The following STOX2 variants were observed in gnomAD, a reference collection of about 807,000 sequenced individuals.
The protein encoded by STOX2 is storkhead-box protein 2.
A neutral mutation model predicts 60.9 loss-of-function variants in STOX2; 28 were observed. That is an observed-to-expected ratio of 0.46 (90% CI 0.34 to 0.63). STOX2 has a LOEUF of 0.63. Ranked by LOEUF, STOX2 falls within the 30% of genes least tolerant of loss-of-function variation. STOX2 has a pLI of 0.01. For synonymous variants in STOX2, 472 were observed against 463.9 expected, an observed-to-expected ratio of 1.02 and a Z score of -0.22; for missense variants, 1,024 against 1,187.7, an observed-to-expected ratio of 0.86 and a Z score of 2.03.
intron 1 of STOX2, among the ~76,000 whole-genome samples, chr4:183,920,063 C>T (rs140471494): frequency 5.3e-5 from 8 of 152,206 alleles, no homozygotes; most frequent in Admixed American, 3.9e-4. Flanking sequence ...ACATACTCAT[C>T]GGTATACTTT....
At chr4:184,013,617 C>T (rs1734246173) in intron 3 of STOX2, among the ~76,000 whole-genome samples, 2 of 152,228 alleles carry the variant, frequency 1.3e-5, no homozygotes, top group Non-Finnish European at 2.9e-5. Context: ...AGGTGACAAA[C>T]TATTTTCTAC....
rs1734173542 is a variant in STOX2, at chr4:184,011,515, C to G, written c.2585+92C>G. On this transcript the variant is annotated intron_variant, in intron 3 of 3. Transcript: ENST00000308497. This position sits in a 1 kb window ranked among gnomAD's most constrained non-coding sequence, Gnocchi z 4.4. ...TGACAAGTTTCTGATTTCGTAGTCT[C>G]AGTTCTATGGATGAGGGTTAAGAGT... is the stretch of plus-strand genomic sequence containing the variant. 2 of 1,577,008 alleles carry G rather than the reference C, an allele frequency of 1.3e-6. No homozygotes were observed. Among genetic ancestry groups the G allele is most frequent in the African/African-American group, 2.7e-5 (2 of 73,732 alleles).
chr4:183,801,894 G>A (rs1321828536), intron 1 of STOX2, among the ~76,000 whole-genome samples: 3 of 152,166 alleles, frequency 2.0e-5, no homozygotes, highest in Admixed American at 6.5e-5. Context: ...GGACTGGGAG[G>A]GGATTAGAAA....
At chr4:183,959,232 G>A (rs1743344027) in intron 1 of STOX2, among the ~76,000 whole-genome samples, 1 of 152,054 alleles carries the variant, frequency 6.6e-6, no homozygotes, top group African/African-American at 2.4e-5. Flanking sequence ...TGTTAAATGT[G>A]TTATGTGGAA....
intron 1 of STOX2, among the ~76,000 whole-genome samples, chr4:183,860,805 A>C (rs909917046): frequency 5.3e-5 from 8 of 152,170 alleles, no homozygotes; most frequent in Non-Finnish European, 8.8e-5. Context: ...TATGAAAAAC[A>C]CTGGGGGAAT....
chr4:183,982,896 C>A (rs1732706885), intron 1 of STOX2, among the ~76,000 whole-genome samples: 3 of 152,164 alleles, frequency 2.0e-5, no homozygotes. Context: ...TTGGATGCAT[C>A]CTATACCCTG....
At position 184,001,185 on chromosome 4, in the gene STOX2, A is replaced by C; in HGVS notation, c.167-140A>C. The stretch of plus-strand genomic sequence containing the variant: ...AATTGGCTGTGGCTTCTGTGTTCAG[A>C]GTGGAATTGGCAAGCAGCTGCTATG... On this transcript the variant is annotated intron_variant, in intron 1 of 3. Coordinates refer to ENST00000308497, the MANE Select transcript of STOX2 (RefSeq NM_020225.3). The surrounding 1 kb of genome is among the most constrained non-coding windows in gnomAD (Gnocchi z 4.2). The C allele has an allele frequency of 1.4e-6, 1 of 720,178 alleles. No homozygotes were observed. The highest frequency in any genetic ancestry group is 2.3e-6 in the Non-Finnish European group (1 of 441,076). The allele number at this position is 720,178 out of a possible 1,614,324, so 44.6% of individuals were successfully genotyped here.
Position 183,905,680 on chromosome 4 carries a change from G to C in STOX2, c.-1111G>C, listed in dbSNP as rs989769510. The C allele has an allele frequency of 6.6e-6, 1 of 152,414 alleles. No homozygotes were observed. The highest frequency in any genetic ancestry group is 2.4e-5 in the African/African-American group (1 of 41,442). 9.4% of individuals were successfully genotyped at this position (152,414 alleles called of 1,614,324 possible). On this transcript the variant is annotated 5_prime_UTR_variant, in exon 1 of 4. Coordinates refer to ENST00000308497, the MANE Select transcript of STOX2 (RefSeq NM_020225.3). ...CTGGGGCAGCTGCCAAGGTCCCCGCGCCGCCGCCGGGTGTTTTACATGAAA... is the reference window on the plus strand; with the variant it reads ...CTGGGGCAGCTGCCAAGGTCCCCGCCCCGCCGCCGGGTGTTTTACATGAAA...
intron 1 of STOX2, among the ~76,000 whole-genome samples, chr4:183,937,879 G>T (rs75890244): frequency 1.3e-5 from 2 of 152,154 alleles, no homozygotes; most frequent in African/African-American, 2.4e-5. Flanking sequence ...CTGGCTGGGT[G>T]CTCATGCCTG....
chr4:183,902,104 C>T (rs1741475867), upstream of STOX2, among the ~76,000 whole-genome samples: 1 of 152,156 alleles, frequency 6.6e-6, no homozygotes, highest in African/African-American at 2.4e-5. Context: ...ATGTGCCAAC[C>T]ATTGCTAGCC....
chr4:183,979,010 G>A (rs964343341), intron 1 of STOX2, among the ~76,000 whole-genome samples: 14 of 152,114 alleles, frequency 9.2e-5, no homozygotes, highest in Non-Finnish European at 1.8e-4. Context: ...AATGGTACCC[G>A]ATTTTATTAT....
At chr4:183,860,713 C>T (rs1167152787) in intron 1 of STOX2, among the ~76,000 whole-genome samples, 1 of 152,078 alleles carries the variant, frequency 6.6e-6, no homozygotes, top group Admixed American at 6.5e-5. Context: ...GACAAAAGGC[C>T]GTTCTTTTTA....
chr4:183,913,051 TC>T (rs910608448), intron 1 of STOX2, among the ~76,000 whole-genome samples: 2 of 152,106 alleles, frequency 1.3e-5, no homozygotes, highest in African/African-American at 4.8e-5. Flanking sequence ...AAACTGGAGT[TC>T]CGAGAACAGA....
chr4:183,972,671 TA>T lies in STOX2; in HGVS notation c.167-28645del, dbSNP rs200501657. 9.5e-3 allele frequency among the ~76,000 whole-genome samples: 1,440 copies of T among 151,842 alleles called. 16 individuals carry two copies. The highest frequency in any genetic ancestry group is 0.02 in the Middle Eastern group (6 of 294). On this transcript the variant is annotated intron_variant, in intron 1 of 3. Transcript: ENST00000308497. The stretch of plus-strand genomic sequence containing the variant: ...AACTTAACAATGTTGATCACGTGCT[TA>T]AAAAAAAATTCAACATTGTCCTTAG...
At chr4:183,809,821 G>A (rs1184119513) in intron 1 of STOX2, among the ~76,000 whole-genome samples, 1 of 152,184 alleles carries the variant, frequency 6.6e-6, no homozygotes, top group Non-Finnish European at 1.5e-5. Context: ...CATTACCGTT[G>A]TATCTTTTCC....
At chr4:184,007,576 A>G (rs888042941) in intron 2 of STOX2, among the ~76,000 whole-genome samples, 1 of 152,204 alleles carries the variant, frequency 6.6e-6, no homozygotes, top group Non-Finnish European at 1.5e-5. Flanking sequence ...AGAGAGGCTG[A>G]GCTGCCTAAG....
At chr4:183,906,991 G>A in intron 1 of STOX2, 35 bp downstream of exon 1, 2 of 1,495,338 alleles carry the variant, frequency 1.3e-6, no homozygotes, top group Non-Finnish European at 1.8e-6. Context: ...CCCCGGGCCG[G>A]GGCCGCGGGA....
chr4:183,804,435 G>T (rs1375811006), intron 1 of STOX2, among the ~76,000 whole-genome samples: 1 of 152,230 alleles, frequency 6.6e-6, no homozygotes, highest in African/African-American at 2.4e-5. Context: ...GGCCCATGGG[G>T]CTGGGCTTGT....
intron 1 of STOX2, among the ~76,000 whole-genome samples, chr4:183,928,983 TACTTGTA>T (rs1742327721): frequency 6.6e-6 from 1 of 152,176 alleles, no homozygotes; most frequent in Admixed American, 6.5e-5. Context: ...AAGTGTGAAA[TACTTGTA>T]ACACAAGCCC....
Sources: allele counts gnomAD v4.1 joint callset (sites outside exome capture counted in the v4.1 genomes callset), GRCh38; gene constraint gnomAD v4.1.1; non-coding constraint Gnocchi (gnomAD v3.1); transcripts MANE v1.5; gene names NCBI Gene and HGNC (gene_info 2026-07-23, HGNC 2026-07-21).